NPAS3: variants seen among roughly 807,000 people sequenced by gnomAD.
NPAS3 encodes the protein neuronal PAS domain-containing protein 3.
NPAS3 carries 14 observed loss-of-function variants against 73.1 expected under a neutral mutation model. The ratio of observed to expected loss-of-function variants is 0.19; its 90% CI spans 0.13 to 0.30. The LOEUF (loss-of-function observed/expected upper bound fraction) is 0.30, where lower values mean the gene tolerates loss of function less well. Among genes scored for constraint, NPAS3 ranks in the 10% least tolerant of loss-of-function variants. NPAS3 has a pLI of 1.00. For synonymous variants in NPAS3, 620 were observed against 541.5 expected, an observed-to-expected ratio of 1.14 and a Z score of -2.01; for missense variants, 1,096 against 1,250.0, an observed-to-expected ratio of 0.88 and a Z score of 1.86.
chr14:33,466,929 A>G (rs966782774), intron 4 of NPAS3, among the ~76,000 whole-genome samples: 5 of 152,202 alleles, frequency 3.3e-5, no homozygotes, highest in Admixed American at 2.0e-4. Flanking sequence ...ACAGATCCAA[A>G]CCATATCACT....
chr14:33,083,747 C>A (rs746812164), intron 2 of NPAS3, among the ~76,000 whole-genome samples: 7 of 152,194 alleles, frequency 4.6e-5, no homozygotes, highest in Non-Finnish European at 8.8e-5. Flanking sequence ...TAGTGCATTT[C>A]TGATAACAGA....
intron 6 of NPAS3, among the ~76,000 whole-genome samples, chr14:33,681,958 C>CTAACT (rs1269849087): frequency 1.3e-5 from 2 of 152,130 alleles, no homozygotes; most frequent in East Asian, 1.9e-4. Context: ...AGTGTAGTGA[C>CTAACT]TAACTTAACA....
chr14:33,799,702 C>T (rs2063624032), intron 11 of NPAS3, 32 bp from the exon 12 acceptor site: 1 of 1,546,580 alleles, frequency 6.5e-7, no homozygotes, highest in Non-Finnish European at 8.7e-7. Flanking sequence ...CTCTCTCCGC[C>T]CCCGCCACCG....
At chr14:33,508,600 C>T (rs1008452310) in intron 4 of NPAS3, among the ~76,000 whole-genome samples, 4 of 152,032 alleles carry the variant, frequency 2.6e-5, no homozygotes, top group African/African-American at 7.2e-5. Flanking sequence ...CTCACACAAA[C>T]GCCTGGTTGG....
intron 6 of NPAS3, among the ~76,000 whole-genome samples, chr14:33,700,601 G>A (rs2060499585): frequency 6.6e-6 from 1 of 152,132 alleles, no homozygotes; most frequent in East Asian, 1.9e-4. Flanking sequence ...AGAAGTTCTG[G>A]GTGATTGGAT....
chr14:33,437,713 T>G (rs1217421509), intron 4 of NPAS3, among the ~76,000 whole-genome samples: 1 of 152,236 alleles, frequency 6.6e-6, no homozygotes, highest in East Asian at 1.9e-4. Context: ...TTTTAAATAC[T>G]TGTAGCCCAC....
intron 1 of NPAS3, among the ~76,000 whole-genome samples, chr14:32,991,328 A>C (rs2038325628): frequency 6.6e-6 from 1 of 152,118 alleles, no homozygotes; most frequent in Admixed American, 6.5e-5. Flanking sequence ...AGACTACCTT[A>C]GAAGTCTTCA....
intron 4 of NPAS3, among the ~76,000 whole-genome samples, chr14:33,450,798 C>T (rs1029760705): frequency 6.6e-6 from 1 of 152,164 alleles, no homozygotes; most frequent in African/African-American, 2.4e-5. Flanking sequence ...CAAATATCCC[C>T]AAATACAACT....
At chr14:33,700,525 G>C (rs999584624) in intron 6 of NPAS3, among the ~76,000 whole-genome samples, 1 of 152,200 alleles carries the variant, frequency 6.6e-6, no homozygotes, top group Non-Finnish European at 1.5e-5. Context: ...TCCTGCCCTA[G>C]AGTCCTACGG....
At chr14:33,639,253 A>C (rs957921902) in intron 5 of NPAS3, among the ~76,000 whole-genome samples, 2 of 152,204 alleles carry the variant, frequency 1.3e-5, no homozygotes, top group Non-Finnish European at 2.9e-5. Flanking sequence ...GCAAAGGTGG[A>C]TATATATGTA....
chr14:33,457,237 G>A (rs1366827664), intron 4 of NPAS3, among the ~76,000 whole-genome samples: 1 of 152,216 alleles, frequency 6.6e-6, no homozygotes, highest in Non-Finnish European at 1.5e-5. Flanking sequence ...GGTTCTCCAA[G>A]GATTACAAGA....
chr14:33,759,631 T>G (rs1469855034), intron 7 of NPAS3, among the ~76,000 whole-genome samples: 1 of 152,222 alleles, frequency 6.6e-6, no homozygotes, highest in Non-Finnish European at 1.5e-5. Context: ...GAAATAATGT[T>G]TTAAGAAAGT....
intron 5 of NPAS3, among the ~76,000 whole-genome samples, chr14:33,669,109 G>T (rs572170072): frequency 2.8e-4 from 42 of 150,422 alleles, no homozygotes; most frequent in African/African-American, 9.5e-4. Context: ...TACCACCAAG[G>T]TAATGAAGAA....
Position 33,424,253 on chromosome 14 carries a change from T to C in NPAS3, c.468+56985T>C, listed in dbSNP as rs569260044. ...CATATTAGGCAAAGAAAATAGCATG[T>C]GCGGGGGCCCAGTGGCTTAGACTTA... On this transcript the variant is annotated intron_variant, in intron 4 of 11. Transcript: ENST00000356141. Among the ~76,000 whole-genome samples the C allele has an allele frequency of 3.3e-5, 5 of 152,068 alleles. No individual in the cohort carries two copies. The South Asian group carries it at 1.0e-3, about 32-fold the overall frequency.
intron 1 of NPAS3, among the ~76,000 whole-genome samples, chr14:32,948,239 T>C (rs1160798653): frequency 2.0e-5 from 3 of 152,168 alleles, no homozygotes; most frequent in Non-Finnish European, 2.9e-5. Flanking sequence ...TATACATAAA[T>C]ACTTAAAAAA....
At chr14:33,084,937 A>G (rs984416390) in intron 2 of NPAS3, among the ~76,000 whole-genome samples, 3 of 152,204 alleles carry the variant, frequency 2.0e-5, no homozygotes, top group Non-Finnish European at 4.4e-5. Flanking sequence ...TTTTGGCGTA[A>G]GATATGAAAA....
intron 5 of NPAS3, among the ~76,000 whole-genome samples, chr14:33,566,278 T>C (rs1448461488): frequency 6.6e-6 from 1 of 151,218 alleles, no homozygotes; most frequent in Non-Finnish European, 1.5e-5. Flanking sequence ...GCTGTCCGAG[T>C]GCTTGACAGA....
At position 33,248,085 on chromosome 14, in the gene NPAS3, G is replaced by A. The variant is rs145195109; in HGVS notation, c.385+32659G>A. 3.9e-5 allele frequency among the ~76,000 whole-genome samples: 6 copies of A among 152,326 alleles called. No individual in the cohort carries two copies. In the South Asian group the frequency reaches 1.0e-3, roughly 26 times the overall value. On this transcript the variant is annotated intron_variant, in intron 3 of 11. Coordinates refer to ENST00000356141, the Ensembl canonical transcript of NPAS3. ...GAGCTACAATGTGTGAAAAATGACT[G>A]CAAGTGATAGCTTTTTACTGAAGCA...
At chr14:33,256,683 T>G (rs1280058778) in intron 3 of NPAS3, among the ~76,000 whole-genome samples, 1 of 152,232 alleles carries the variant, frequency 6.6e-6, no homozygotes, top group Non-Finnish European at 1.5e-5. Context: ...AATGTATATC[T>G]TAACTGTATT....
Sources: gnomAD v4.1 joint callset for allele counts (sites outside exome capture counted in the v4.1 genomes callset) on GRCh38, gnomAD v4.1.1 for gene constraint, MANE v1.5 for transcripts, NCBI Gene and HGNC (gene_info 2026-07-23, HGNC 2026-07-21) for gene names.